ADAMTS12: variants seen among roughly 807,000 people sequenced by gnomAD.
The protein encoded by ADAMTS12 is A disintegrin and metalloproteinase with thrombospondin motifs 12.
A neutral mutation model predicts 167.8 loss-of-function variants in ADAMTS12; 118 were observed. The ratio of observed to expected loss-of-function variants is 0.70; its 90% CI spans 0.61 to 0.82. ADAMTS12 has a LOEUF of 0.82. Among genes scored for constraint, ADAMTS12 ranks in the 40% least tolerant of loss-of-function variants. The probability of loss-of-function intolerance (pLI) is 0.00; values close to 1 mark genes in which losing one functional copy is unlikely to be tolerated. For missense variants in ADAMTS12, 1,916 were observed against 1,998.8 expected, an observed-to-expected ratio of 0.96 and a Z score of 0.79; for synonymous variants, 704 against 716.9, an observed-to-expected ratio of 0.98 and a Z score of 0.29.
rs778349027 is a variant in ADAMTS12, at chr5:33,649,694, G to A, written c.1194C>T (p.Phe398=). Residue 398 remains phenylalanine, a synonymous_variant, in exon 8 of 24, where the codon TTC becomes TTT. Coordinates refer to ENST00000504830, the MANE Select transcript of ADAMTS12 (RefSeq NM_030955.4). The part of the protein sequence containing the change: ...FTIAHELGHS[F]GIQHDGKEND... ...TTTCTTTCCCATCATGCTGGATGCCGAAGCTGGCAGGGAAGAACCAAGCAC... is the reference window on the plus strand; with the variant it reads ...TTTCTTTCCCATCATGCTGGATGCCAAAGCTGGCAGGGAAGAACCAAGCAC... 1.5e-5 allele frequency: 25 copies of A among 1,613,354 alleles called. No homozygotes were observed. In the Admixed American group the frequency reaches 1.8e-4, roughly 12 times the overall value.
intron 13 of ADAMTS12, 21 bp from the exon 14 acceptor site, chr5:33,624,372 G>A: frequency 6.2e-7 from 1 of 1,613,664 alleles, no homozygotes; most frequent in Non-Finnish European, 8.5e-7. Flanking sequence ...GAGAGGTGGA[G>A]GATGAATGCC....
chr5:33,805,898 A>AG (rs199806468), intron 2 of ADAMTS12, among the ~76,000 whole-genome samples: 2,612 of 147,722 alleles, frequency 0.018, 80 homozygotes, highest in African/African-American at 0.062. Context: ...TGAAAAGAAA[A>AG]GGGGGAAAAA....
At chr5:33,679,255 G>C (rs546690984) in intron 5 of ADAMTS12, among the ~76,000 whole-genome samples, 4 of 152,350 alleles carry the variant, frequency 2.6e-5, no homozygotes, top group African/African-American at 9.6e-5. Flanking sequence ...TGCCCATGCA[G>C]GTCCCTCCAC....
At position 33,619,780 on chromosome 5, in the gene ADAMTS12, C is replaced by T. The variant is rs183676989; in HGVS notation, c.2144-3708G>A. On this transcript the variant is annotated intron_variant, in intron 14 of 23. Transcript: ENST00000504830. Reference sequence around the variant, plus strand: ...TGCGATCTGGGCTCACTGCAACCTCCGCCTCTTGGGTTCAAGCGATTCTCC... The same window carrying T: ...TGCGATCTGGGCTCACTGCAACCTCTGCCTCTTGGGTTCAAGCGATTCTCC... Among the ~76,000 whole-genome samples, 1,028 of 152,200 alleles carry T rather than the reference C, an allele frequency of 6.8e-3. 7 individuals carry two copies. Among genetic ancestry groups the T allele is most frequent in the African/African-American group, 0.023 (973 of 41,542 alleles).
intron 2 of ADAMTS12, among the ~76,000 whole-genome samples, chr5:33,778,638 A>G (rs1231023219): frequency 6.6e-6 from 1 of 152,320 alleles, no homozygotes; most frequent in East Asian, 1.9e-4. Context: ...TGAACTCAAA[A>G]GCACAAGCAA....
chr5:33,726,465 G>GA (rs1270897283), intron 3 of ADAMTS12, among the ~76,000 whole-genome samples: 1 of 152,142 alleles, frequency 6.6e-6, no homozygotes. Flanking sequence ...CTGAGGGGGA[G>GA]AAAAAAAGAT....
intron 21 of ADAMTS12, among the ~76,000 whole-genome samples, chr5:33,547,794 C>T (rs1004485556): frequency 2.0e-5 from 3 of 152,180 alleles, no homozygotes; most frequent in East Asian, 1.9e-4. Context: ...CATCTTTGAT[C>T]GCCTGCAAAT....
At chr5:33,805,304 G>A (rs1010214074) in intron 2 of ADAMTS12, among the ~76,000 whole-genome samples, 6 of 152,126 alleles carry the variant, frequency 3.9e-5, no homozygotes, top group Admixed American at 1.3e-4. Flanking sequence ...GGTGAAAGTA[G>A]GGTCTTGTTA....
intron 2 of ADAMTS12, among the ~76,000 whole-genome samples, chr5:33,830,798 T>C (rs1036403253): frequency 2.6e-5 from 4 of 152,244 alleles, no homozygotes; most frequent in Admixed American, 1.3e-4. Flanking sequence ...TCTGTATATA[T>C]ATAGCTTTCA....
chr5:33,665,389 G>A (rs561977672), intron 5 of ADAMTS12, among the ~76,000 whole-genome samples: 1 of 152,250 alleles, frequency 6.6e-6, no homozygotes, highest in South Asian at 2.1e-4. Flanking sequence ...TAGATTTTAA[G>A]TAGTCTCATT....
intron 2 of ADAMTS12, among the ~76,000 whole-genome samples, chr5:33,799,479 G>A (rs1746910820): frequency 6.6e-6 from 1 of 152,104 alleles, no homozygotes; most frequent in Non-Finnish European, 1.5e-5. Flanking sequence ...CAACTGCCTG[G>A]AGTGCAAGTT....
intron 2 of ADAMTS12, among the ~76,000 whole-genome samples, chr5:33,835,953 CTGTGTGTGTGTGTGTGT>C (rs1748507363): frequency 1.1e-5 from 1 of 89,138 alleles, no homozygotes; most frequent in African/African-American, 6.6e-5. Flanking sequence ...CTCTCTCTCT[CTGTGTGTGTGTGTGTGT>C]CCATCTGGGC....
chr5:33,594,947 T>C (rs1037912624), intron 17 of ADAMTS12, among the ~76,000 whole-genome samples: 2 of 152,176 alleles, frequency 1.3e-5, no homozygotes, highest in Non-Finnish European at 2.9e-5. Flanking sequence ...AGTCTCCCCC[T>C]TGTTTAAATG....
At chr5:33,780,959 C>T (rs1377322717) in intron 2 of ADAMTS12, among the ~76,000 whole-genome samples, 2 of 152,080 alleles carry the variant, frequency 1.3e-5, no homozygotes, top group African/African-American at 4.8e-5. Context: ...CTGACAAATA[C>T]GTTCCCTTTT....
At chr5:33,613,392 C>T (rs1738828139) in intron 16 of ADAMTS12, among the ~76,000 whole-genome samples, 1 of 152,152 alleles carries the variant, frequency 6.6e-6, no homozygotes, top group Non-Finnish European at 1.5e-5. Flanking sequence ...ATTCCATGCT[C>T]CTCAAATGTC....
chr5:33,596,366 T>G (rs1737875661), intron 16 of ADAMTS12, among the ~76,000 whole-genome samples: 1 of 152,050 alleles, frequency 6.6e-6, no homozygotes, highest in Admixed American at 6.6e-5. Context: ...ACATGCCAGG[T>G]GGAAAACCAA....
At chr5:33,741,053 C>T (rs1347627655) in intron 3 of ADAMTS12, among the ~76,000 whole-genome samples, 2 of 152,244 alleles carry the variant, frequency 1.3e-5, no homozygotes, top group African/African-American at 4.8e-5. Context: ...TAGTCACAGT[C>T]CCATGCAGCC....
At chr5:33,877,620 G>A (rs73074820) in intron 2 of ADAMTS12, among the ~76,000 whole-genome samples, 2,465 of 152,296 alleles carry the variant, frequency 0.016, 62 homozygotes, top group African/African-American at 0.057. Flanking sequence ...ATGTTGATGG[G>A]AGAAGGGTAG....
intron 2 of ADAMTS12, among the ~76,000 whole-genome samples, chr5:33,805,395 G>A (rs1394243061): frequency 2.6e-5 from 4 of 152,202 alleles, no homozygotes; most frequent in Non-Finnish European, 5.9e-5. Flanking sequence ...CATGGTAGTT[G>A]AGCCGTATTC....
Sources: allele counts gnomAD v4.1 joint callset (sites outside exome capture counted in the v4.1 genomes callset), GRCh38; gene constraint gnomAD v4.1.1; transcripts MANE v1.5; gene names NCBI Gene and HGNC (gene_info 2026-07-23, HGNC 2026-07-21).